GMDS: variants seen among roughly 807,000 people sequenced by gnomAD.
GMDS encodes GDP-mannose 4,6 dehydratase.
GMDS carries 20 observed loss-of-function variants against 49.9 expected under a neutral mutation model. The observed-to-expected ratio is 0.40, with a 90% CI of 0.28 to 0.58. The LOEUF (loss-of-function observed/expected upper bound fraction) is 0.58. Ranked by LOEUF, GMDS falls within the 20% of genes least tolerant of loss-of-function variation. GMDS has a pLI of 0.42. For missense variants in GMDS, 362 were observed against 481.4 expected (o/e 0.75, Z 2.32); for synonymous variants, 177 against 178.6 (o/e 0.99, Z 0.07).
chr6:2,081,971 C>T (rs1308056466), intron 4 of GMDS, among the ~76,000 whole-genome samples: 1 of 152,126 alleles, frequency 6.6e-6, no homozygotes, highest in Admixed American at 6.5e-5. Flanking sequence ...AAACCCAATG[C>T]CCAGCTCAAT....
chr6:1,895,414 C>T (rs576144132), intron 7 of GMDS, among the ~76,000 whole-genome samples: 4 of 152,308 alleles, frequency 2.6e-5, no homozygotes, highest in Admixed American at 2.6e-4. Flanking sequence ...AAAAAACAGA[C>T]TTCAGCTATG....
At chr6:1,905,522 G>A (rs1191470264) in intron 7 of GMDS, among the ~76,000 whole-genome samples, 1 of 144,330 alleles carries the variant, frequency 6.9e-6, no homozygotes, top group African/African-American at 2.6e-5. Context: ...ATAGCTGTGG[G>A]TGCTGGCGTG....
Position 2,070,341 on chromosome 6 carries a change from T to C in GMDS, c.345+45430A>G, listed in dbSNP as rs1027102706. ...CTAGATGACGAGTTAGTGGGTGCAG[T>C]GCACCAGCATGGCACATGTATACAT... On this transcript the variant is annotated intron_variant, in intron 4 of 10. Coordinates refer to ENST00000380815, the MANE Select transcript of GMDS (RefSeq NM_001500.4). 2.6e-5 allele frequency among the ~76,000 whole-genome samples: 4 copies of C among 151,066 alleles called. No homozygotes were observed. In the South Asian group the frequency reaches 6.3e-4, roughly 24 times the overall value.
chr6:1,686,216 G>A (rs1448519778), intron 9 of GMDS, among the ~76,000 whole-genome samples: 1 of 152,160 alleles, frequency 6.6e-6, no homozygotes, highest in Non-Finnish European at 1.5e-5. Context: ...CCGAGATGAC[G>A]CGGCCTCTTT....
intron 9 of GMDS, among the ~76,000 whole-genome samples, chr6:1,703,322 T>C (rs1172160493): frequency 6.6e-6 from 1 of 152,198 alleles, no homozygotes; most frequent in African/African-American, 2.4e-5. Flanking sequence ...TGATAGTTTG[T>C]AAATATTCTT....
At chr6:1,719,211 A>C (rs764898839) in intron 9 of GMDS, among the ~76,000 whole-genome samples, 13 of 152,148 alleles carry the variant, frequency 8.5e-5, no homozygotes, top group Non-Finnish European at 1.6e-4. Flanking sequence ...TCACCTTGGC[A>C]GTTAATGACA....
At chr6:2,039,431 A>G (rs1165368326) in intron 4 of GMDS, among the ~76,000 whole-genome samples, 1 of 152,204 alleles carries the variant, frequency 6.6e-6, no homozygotes, top group Non-Finnish European at 1.5e-5. Flanking sequence ...AGCTCACCAT[A>G]AATTTTTTAC....
chr6:2,093,710 C>T (rs751152666), intron 4 of GMDS, among the ~76,000 whole-genome samples: 6 of 150,126 alleles, frequency 4.0e-5, no homozygotes, highest in African/African-American at 7.4e-5. Context: ...AAAAAAGATA[C>T]AAATTAAATG....
intron 9 of GMDS, among the ~76,000 whole-genome samples, chr6:1,643,846 G>C (rs1400784814): frequency 6.6e-6 from 1 of 152,018 alleles, no homozygotes; most frequent in East Asian, 1.9e-4. Context: ...AAAGTTGAAA[G>C]TCTCTTCCCA....
intron 1 of GMDS, among the ~76,000 whole-genome samples, chr6:2,162,471 T>C (rs1434608622): frequency 6.6e-6 from 1 of 152,118 alleles, no homozygotes; most frequent in African/African-American, 2.4e-5. Context: ...CTTATACCTC[T>C]GGGGCTTGAA....
chr6:2,185,250 G>A (rs542643147), intron 1 of GMDS, among the ~76,000 whole-genome samples: 2 of 152,256 alleles, frequency 1.3e-5, no homozygotes, highest in Admixed American at 1.3e-4. Flanking sequence ...TTTTTTCAAA[G>A]TTGATATCAA....
chr6:2,227,328 T>C (rs1780861136), intron 1 of GMDS, among the ~76,000 whole-genome samples: 1 of 152,116 alleles, frequency 6.6e-6, no homozygotes, highest in Non-Finnish European at 1.5e-5. Context: ...CAGCTCCAAG[T>C]TCTACCCTAA....
chr6:1,900,477 G>A lies in GMDS; in HGVS notation c.771+29626C>T, dbSNP rs150120754. 5.2e-3 allele frequency among the ~76,000 whole-genome samples: 792 copies of A among 152,298 alleles called. 6 individuals carry two copies. The highest frequency in any genetic ancestry group is 0.018 in the African/African-American group (759 of 41,568). On this transcript the variant is annotated intron_variant, in intron 7 of 10. Coordinates refer to ENST00000380815, the MANE Select transcript of GMDS (RefSeq NM_001500.4). ...TTACGATTAAAAATGTGTTGATAAAGAGCCCCTGCTGTTAAGTCTGATGTC... is the reference window on the plus strand; with the variant it reads ...TTACGATTAAAAATGTGTTGATAAAAAGCCCCTGCTGTTAAGTCTGATGTC...
At chr6:2,227,928 T>C (rs1375073940) in intron 1 of GMDS, among the ~76,000 whole-genome samples, 1 of 152,256 alleles carries the variant, frequency 6.6e-6, no homozygotes, top group African/African-American at 2.4e-5. Flanking sequence ...CACATAACCA[T>C]GCTCAATGAG....
chr6:1,974,900 C>T (rs1378634150), intron 4 of GMDS, among the ~76,000 whole-genome samples: 3 of 150,852 alleles, frequency 2.0e-5, no homozygotes, highest in Non-Finnish European at 3.0e-5. Flanking sequence ...TAGCCAGGCA[C>T]GATGGTGGGC....
chr6:2,234,397 C>T (rs1236826369), intron 1 of GMDS, among the ~76,000 whole-genome samples: 2 of 152,072 alleles, frequency 1.3e-5, no homozygotes, highest in African/African-American at 2.4e-5. Flanking sequence ...CACCTGAGGC[C>T]GGGAGTTCGA....
At position 1,914,277 on chromosome 6, in the gene GMDS, A is replaced by G. The variant is rs148627559; in HGVS notation, c.771+15826T>C. On this transcript the variant is annotated intron_variant, in intron 7 of 10. Coordinates refer to ENST00000380815, the MANE Select transcript of GMDS (RefSeq NM_001500.4). ...TAAGACCATCCTGGCTAACACGGTGAAACCCCATCTCTACTAAAAATACAA... is the reference window on the plus strand; with the variant it reads ...TAAGACCATCCTGGCTAACACGGTGGAACCCCATCTCTACTAAAAATACAA... 9.1e-4 allele frequency among the ~76,000 whole-genome samples: 137 copies of G among 151,322 alleles called. 1 individual carries two copies. In the East Asian group the frequency reaches 0.018, roughly 20 times the overall value.
intron 9 of GMDS, among the ~76,000 whole-genome samples, chr6:1,716,736 C>T (rs1420722531): frequency 2.0e-5 from 3 of 152,184 alleles, no homozygotes; most frequent in Non-Finnish European, 2.9e-5. Context: ...TGGTTCATTC[C>T]CACAGCACCT....
rs1047797684 is a variant in GMDS at position 2,175,176 on chromosome 6, A to G, written c.103-50445T>C. On this transcript the variant is annotated intron_variant, in intron 1 of 10. Coordinates refer to ENST00000380815, the MANE Select transcript of GMDS (RefSeq NM_001500.4). ...GAAATAATCACATTTTTGCTTCTTG[A>G]AAAAGGAGATGTTTTATTTATTAAT... Among the ~76,000 whole-genome samples, 30 of 152,024 alleles carry G rather than the reference A, an allele frequency of 2.0e-4. 1 individual carries two copies. The highest frequency in any genetic ancestry group is 6.8e-4 in the African/African-American group (28 of 41,432).
Sources: gnomAD v4.1 joint callset for allele counts (sites outside exome capture counted in the v4.1 genomes callset) on GRCh38, gnomAD v4.1.1 for gene constraint, MANE v1.5 for transcripts, NCBI Gene and HGNC (gene_info 2026-07-23, HGNC 2026-07-21) for gene names.